Variants in THSD7B observed in about 807,000 individuals in gnomAD.
THSD7B encodes thrombospondin type 1 domain containing 7B.
A neutral mutation model predicts 213.6 loss-of-function variants in THSD7B; 138 were observed. That is an observed-to-expected ratio of 0.65 (90% CI 0.56 to 0.74). THSD7B has a LOEUF of 0.74. Ranked by LOEUF, THSD7B falls within the 30% of genes least tolerant of loss-of-function variation. The pLI, the probability that THSD7B is intolerant of heterozygous loss-of-function variation, is 0.00. For synonymous variants in THSD7B, 742 were observed against 687.0 expected (o/e 1.08, Z -1.25); for missense variants, 1,931 against 1,991.5 (o/e 0.97, Z 0.58).
intron 2 of THSD7B, among the ~76,000 whole-genome samples, chr2:137,012,104 G>GA (rs1686241482): frequency 6.6e-6 from 1 of 152,132 alleles, no homozygotes; most frequent in Non-Finnish European, 1.5e-5. Flanking sequence ...AACACAAACA[G>GA]TATAATCTTC....
intron 20 of THSD7B, among the ~76,000 whole-genome samples, chr2:137,633,198 G>A (rs1489199127): frequency 6.6e-6 from 1 of 152,198 alleles, no homozygotes; most frequent in African/African-American, 2.4e-5. Flanking sequence ...TTTGTTAAGA[G>A]AAGTGAGAAG....
At chr2:137,408,271 T>C (rs1033266355) in intron 13 of THSD7B, among the ~76,000 whole-genome samples, 14 of 152,198 alleles carry the variant, frequency 9.2e-5, no homozygotes, top group Non-Finnish European at 1.9e-4. Flanking sequence ...TAGATGAACA[T>C]TATTTTTCTT....
At chr2:137,639,941 C>T (rs1311046541) in intron 20 of THSD7B, among the ~76,000 whole-genome samples, 1 of 152,144 alleles carries the variant, frequency 6.6e-6, no homozygotes, top group Non-Finnish European at 1.5e-5. Flanking sequence ...CTTGCCTTGT[C>T]TCAGATGAGA....
At chr2:136,858,631 G>A (rs539606198) in intron 1 of THSD7B, among the ~76,000 whole-genome samples, 54 of 152,262 alleles carry the variant, frequency 3.5e-4, no homozygotes, top group African/African-American at 1.3e-3. Context: ...TGAACATGTA[G>A]CTTCATAAGT....
At chr2:137,485,246 C>T (rs1373681620) in intron 15 of THSD7B, among the ~76,000 whole-genome samples, 1 of 141,550 alleles carries the variant, frequency 7.1e-6, no homozygotes, top group Non-Finnish European at 1.5e-5. Flanking sequence ...ATATGGCTAG[C>T]CAGTTTTCCC....
intron 4 of THSD7B, among the ~76,000 whole-genome samples, chr2:137,113,458 C>T (rs184385851): frequency 2.0e-4 from 30 of 151,858 alleles, no homozygotes; most frequent in African/African-American, 5.8e-4. Flanking sequence ...TTTTTTCTTT[C>T]GGAGTTTTGC....
At chr2:137,231,455 C>A (rs1488806291) in intron 8 of THSD7B, among the ~76,000 whole-genome samples, 1 of 152,096 alleles carries the variant, frequency 6.6e-6, no homozygotes, top group Admixed American at 6.5e-5. Context: ...ATTGCTTTAC[C>A]ACATACCTGT....
intron 12 of THSD7B, among the ~76,000 whole-genome samples, chr2:137,280,331 C>A (rs190735386): frequency 5.1e-4 from 78 of 152,200 alleles, no homozygotes; most frequent in Admixed American, 2.5e-3. Flanking sequence ...ACTTTCAGAC[C>A]AGCCCATCAA....
At chr2:137,404,545 T>G (rs1686463562) in intron 12 of THSD7B, among the ~76,000 whole-genome samples, 1 of 107,018 alleles carries the variant, frequency 9.3e-6, no homozygotes, top group Non-Finnish European at 2.0e-5. Context: ...TATACACACA[T>G]ACTATATATT....
chr2:137,476,049 A>C (rs1350430308), intron 15 of THSD7B, among the ~76,000 whole-genome samples: 1 of 152,060 alleles, frequency 6.6e-6, no homozygotes, highest in East Asian at 1.9e-4. Context: ...GCATTTTCTC[A>C]ATGATTCTTA....
At chr2:137,671,048 C>T (rs1234275278) in intron 27 of THSD7B, among the ~76,000 whole-genome samples, 1 of 151,452 alleles carries the variant, frequency 6.6e-6, no homozygotes, top group African/African-American at 2.4e-5. Flanking sequence ...TTTAGTCTTT[C>T]TTTCCACAGT....
chr2:137,137,754 A>G (rs1412085490), intron 5 of THSD7B, among the ~76,000 whole-genome samples: 1 of 151,978 alleles, frequency 6.6e-6, no homozygotes, highest in Admixed American at 6.6e-5. Context: ...TTTTTTGTGG[A>G]TTTTTACTGA....
intron 20 of THSD7B, among the ~76,000 whole-genome samples, chr2:137,625,802 G>A (rs946556528): frequency 6.6e-6 from 1 of 152,190 alleles, no homozygotes; most frequent in Admixed American, 6.5e-5. Flanking sequence ...ACTAGGCTTT[G>A]CCACGGTGGA....
chr2:136,776,862 A>G (rs1681617822), intron 1 of THSD7B, among the ~76,000 whole-genome samples: 1 of 151,958 alleles, frequency 6.6e-6, no homozygotes, highest in South Asian at 2.1e-4. Context: ...ACACGTATGC[A>G]CACACACACA....
intron 7 of THSD7B, among the ~76,000 whole-genome samples, chr2:137,191,835 G>A (rs759992939): frequency 2.6e-5 from 4 of 152,124 alleles, no homozygotes; most frequent in Non-Finnish European, 5.9e-5. Flanking sequence ...TCACTTTGGT[G>A]TGAGCATTTT....
chr2:137,275,657 G>A (rs549290110), intron 11 of THSD7B, among the ~76,000 whole-genome samples: 75 of 151,612 alleles, frequency 4.9e-4, no homozygotes, highest in Non-Finnish European at 9.4e-4. Flanking sequence ...CAAAGTTTAT[G>A]TGTAAAATAT....
intron 15 of THSD7B, among the ~76,000 whole-genome samples, chr2:137,518,897 G>A (rs1294063732): frequency 6.6e-6 from 1 of 152,184 alleles, no homozygotes; most frequent in Non-Finnish European, 1.5e-5. Context: ...TTGGTGGCAG[G>A]TTGATTATAT....
chr2:137,497,961 T>C lies in THSD7B; in HGVS notation c.3138+46938T>C, dbSNP rs939125619. ...GTGTAACCTTCCTGCCGAGAACTTA[T>C]ATTTGATGATCATTTACTTTCCTCA... On this transcript the variant is annotated intron_variant, in intron 15 of 27. Coordinates refer to ENST00000409968, the MANE Select transcript of THSD7B (RefSeq NM_001316349.2). Among the ~76,000 whole-genome samples the C allele has an allele frequency of 3.9e-5, 6 of 152,224 alleles. No individual in the cohort carries two copies. The East Asian group carries it at 1.2e-3, about 29-fold the overall frequency.
intron 1 of THSD7B, among the ~76,000 whole-genome samples, chr2:136,824,723 TG>T (rs760142736): frequency 2.6e-5 from 4 of 152,136 alleles, no homozygotes; most frequent in Admixed American, 6.5e-5. Context: ...ATGGATAAGG[TG>T]ATGAGATCAG....
Sources: gnomAD v4.1 joint callset for allele counts (sites outside exome capture counted in the v4.1 genomes callset) on GRCh38, gnomAD v4.1.1 for gene constraint, MANE v1.5 for transcripts, NCBI Gene and HGNC (gene_info 2026-07-23, HGNC 2026-07-21) for gene names.